The following RS1 variants were observed in gnomAD, a reference collection of about 807,000 sequenced individuals.
The protein encoded by RS1 is retinoschisin 1.
A neutral mutation model predicts 20.8 loss-of-function variants in RS1; 2 were observed. The observed-to-expected ratio is 0.10, with a 90% CI of 0.04 to 0.30. RS1 has a LOEUF of 0.30. RS1 is among the 10% of genes least tolerant of loss of function. The probability of loss-of-function intolerance (pLI) is 1.00; values close to 1 mark genes in which losing one functional copy is unlikely to be tolerated. For synonymous variants in RS1, 70 were observed against 75.8 expected (o/e 0.92, Z 0.40); for missense variants, 151 against 189.8 (o/e 0.80, Z 1.20).
In RS1 at chrX:18,644,413, G is replaced by C. The variant is rs761024021; in HGVS notation, c.522+17C>G. 38 of 1,205,909 alleles carry C rather than the reference G, an allele frequency of 3.2e-5. No homozygotes were observed. Among genetic ancestry groups the C allele is most frequent in the Non-Finnish European group, 3.9e-5 (35 of 892,032 alleles). ...GAGGGTGCGAGCTGAAGTTGGTTTG[G>C]GATAAGCCCAACTTACCCGGTTGTT... is the stretch of plus-strand genomic sequence containing the variant. On this transcript the variant is annotated intron_variant, in intron 5 of 5. Transcript: ENST00000379984.
intron 3 of RS1, among the ~76,000 whole-genome samples, chrX:18,650,805 C>A (rs1028225110): frequency 2.7e-5 from 3 of 112,493 alleles, no homozygotes; most frequent in African/African-American, 9.7e-5. Flanking sequence ...GGGGCCCACC[C>A]TCTCAGCGTG....
chrX:18,657,324 G>A (rs1383203126), intron 2 of RS1, among the ~76,000 whole-genome samples: 3 of 102,838 alleles, frequency 2.9e-5, no homozygotes, highest in Non-Finnish European at 5.9e-5. Context: ...GGGTTCAAGC[G>A]ATTCTCTTGC....
rs1359587070 is a variant in RS1 at position 18,656,706 on chromosome X, C to T, written c.131G>A (p.Gly44Glu). 8.3e-7 allele frequency: 1 copy of T among 1,211,323 alleles called. No individual in the cohort carries two copies. The highest frequency in any genetic ancestry group is 1.1e-6 in the Non-Finnish European group (1 of 895,315). The change falls in exon 3 of 6, where the codon GGA becomes GAA. Residue 44 changes from glycine to glutamate, a missense_variant. Coordinates refer to ENST00000379984, the MANE Select transcript of RS1 (RefSeq NM_000330.4). Reference sequence around the variant, plus strand: ...TGCAGACCACAGAGCATTGGGTCCTCCTTGGCAATCGCACTTGCATGCTTT... The same window carrying T: ...TGCAGACCACAGAGCATTGGGTCCTTCTTGGCAATCGCACTTGCATGCTTT... ...YQKACKCDCQGGPNALWSAGA... is the reference protein window; with the variant it reads ...YQKACKCDCQEGPNALWSAGA...
At chrX:18,663,872 G>T (rs1009632980) in intron 1 of RS1, among the ~76,000 whole-genome samples, 1 of 111,902 alleles carries the variant, frequency 8.9e-6, no homozygotes, top group African/African-American at 3.3e-5. Flanking sequence ...ATATCTTCCC[G>T]TAGATGTCTC....
chrX:18,650,371 C>T (rs1927976670), intron 3 of RS1: 1 of 1,193,076 alleles, frequency 8.4e-7, no homozygotes, highest in African/African-American at 1.7e-5. Context: ...GCCTCCCGGG[C>T]CCCAAGCTTC....
intron 1 of RS1, among the ~76,000 whole-genome samples, chrX:18,666,745 C>T (rs1928410935): frequency 9.0e-6 from 1 of 110,723 alleles, no homozygotes; most frequent in Admixed American, 9.7e-5. Flanking sequence ...ATTCTGACTA[C>T]ACTGGGGAAG....
chrX:18,666,514 G>A (rs1235121790), intron 1 of RS1, among the ~76,000 whole-genome samples: 1 of 111,630 alleles, frequency 9.0e-6, no homozygotes, highest in Admixed American at 9.5e-5. Flanking sequence ...GCCAGTTCCT[G>A]CAGGGCCTCG....
intron 1 of RS1, among the ~76,000 whole-genome samples, chrX:18,664,397 G>A (rs2147206416): frequency 8.9e-6 from 1 of 112,361 alleles, no homozygotes; most frequent in Admixed American, 9.4e-5. Flanking sequence ...GGAGGCCGAG[G>A]CAGGCAGATC....
intron 3 of RS1, among the ~76,000 whole-genome samples, chrX:18,652,766 C>T (rs1928107581): frequency 8.9e-6 from 1 of 112,553 alleles, no homozygotes; most frequent in African/African-American, 3.2e-5. Flanking sequence ...GCTATTAGAC[C>T]TGTTTCTATA....
At chrX:18,664,455 C>CCA (rs1928369607) in intron 1 of RS1, among the ~76,000 whole-genome samples, 7 of 111,663 alleles carry the variant, frequency 6.3e-5, no homozygotes. Context: ...TGGTGAAACC[C>CCA]TGGCTCTACT....
At chrX:18,642,251 A>G (rs1211962174) in intron 5 of RS1, 95 bp from the exon 6 acceptor site, 1 of 981,101 alleles carries the variant, frequency 1.0e-6, no homozygotes, top group South Asian at 2.0e-5. Context: ...TTAACTATAG[A>G]AATGATTAGG....
chrX:18,654,703 T>C (rs1322840691), intron 3 of RS1, among the ~76,000 whole-genome samples: 9 of 111,441 alleles, frequency 8.1e-5, no homozygotes, highest in Admixed American at 2.9e-4. Context: ...CCATGGAGCC[T>C]GAGGGGATGT....
At chrX:18,658,326 CGTCATTTCCT>C (rs1235484402) in intron 1 of RS1, among the ~76,000 whole-genome samples, 1 of 111,548 alleles carries the variant, frequency 9.0e-6, no homozygotes, top group Non-Finnish European at 1.9e-5. Flanking sequence ...AAATATTTCC[CGTCATTTCCT>C]GTCATTTTTC....
chrX:18,646,039 C>G (rs1191207828), intron 4 of RS1: 3 of 1,210,077 alleles, frequency 2.5e-6, no homozygotes, highest in Non-Finnish European at 3.4e-6. Context: ...ACAGAGACAC[C>G]ATTCTGGACC....
intron 1 of RS1, among the ~76,000 whole-genome samples, chrX:18,668,108 C>G (rs1456531852): frequency 8.9e-6 from 1 of 112,206 alleles, no homozygotes; most frequent in Non-Finnish European, 1.9e-5. Context: ...AATATCTCAG[C>G]CTCTAAAGGA....
chrX:18,649,281 G>T (rs914517713), intron 3 of RS1, among the ~76,000 whole-genome samples: 2 of 111,193 alleles, frequency 1.8e-5, no homozygotes, highest in African/African-American at 6.5e-5. Flanking sequence ...TGTCGCACAG[G>T]CTGGAGTGCT....
rs61750459 is a variant in RS1, at chrX:18,647,255, G to T, written c.262C>A (p.Gln88Lys). 1 of 1,210,493 alleles carries T rather than the reference G, an allele frequency of 8.3e-7. No homozygotes were observed. The highest frequency in any genetic ancestry group is 1.1e-6 in the Non-Finnish European group (1 of 895,005). The change falls in exon 4 of 6, where the codon CAG (glutamine) becomes AAG (lysine). Residue 88 changes from glutamine to lysine, a missense_variant. Transcript: ENST00000379984. ...PDQITCSNPEQYVGWYSSWTA... is the reference protein window; with the variant it reads ...PDQITCSNPEKYVGWYSSWTA... Reference sequence around the variant, plus strand: ...CACGAAGAATACCAGCCCACATACTGCTCCGGGTTAGAGCAGGTGATCTGG... The same window carrying T: ...CACGAAGAATACCAGCCCACATACTTCTCCGGGTTAGAGCAGGTGATCTGG...
intron 3 of RS1, chrX:18,653,303 A>G: frequency 8.8e-7 from 1 of 1,131,029 alleles, no homozygotes; most frequent in South Asian, 2.0e-5. Context: ...AATAGCATTA[A>G]AGTGAAGATT....
intron 1 of RS1, among the ~76,000 whole-genome samples, chrX:18,669,811 C>G (rs779203623): frequency 2.0e-3 from 226 of 112,302 alleles, no homozygotes; most frequent in African/African-American, 6.7e-3. Flanking sequence ...GTAGGGCACA[C>G]AGTAGGTTGC....
Sources: gnomAD v4.1 joint callset for allele counts (sites outside exome capture counted in the v4.1 genomes callset) on GRCh38, gnomAD v4.1.1 for gene constraint, MANE v1.5 for transcripts, NCBI Gene and HGNC (gene_info 2026-07-23, HGNC 2026-07-21) for gene names.